Variants in WDR93 observed in about 807,000 individuals in gnomAD.
WDR93 encodes WD repeat-containing protein 93.
In WDR93, 73 loss-of-function variants were observed where a neutral mutation model predicts 82.9. The observed-to-expected ratio is 0.88, with a 90% CI of 0.73 to 1.07. WDR93 has a LOEUF of 1.07. WDR93 is among the 50% of genes least tolerant of loss of function. WDR93 has a pLI of 0.00. For missense variants in WDR93, 738 were observed against 826.0 expected (o/e 0.89, Z 1.31); for synonymous variants, 283 against 300.1 (o/e 0.94, Z 0.59).
In WDR93 at chr15:89,735,422, TAGAAG is replaced by T. The variant is rs1967083871; in HGVS notation, c.1545-65_1545-61del. The T allele has an allele frequency of 4.0e-6, 6 of 1,513,224 alleles. No individual in the cohort carries two copies. In the Admixed American group the frequency reaches 5.0e-5, roughly 13 times the overall value. The allele number at this position is 1,513,224 out of a possible 1,614,324, so 93.7% of individuals were successfully genotyped here. A position where few individuals can be genotyped will look rare whatever the true frequency, so the allele number is the denominator to read the frequency against. The stretch of plus-strand genomic sequence containing the variant: ...TCTGAATTTCTCCAGGATATATGCC[TAGAAG>T]AGGATATCAAAACTTTTAAACTCTT... On this transcript the variant is annotated intron_variant, in intron 13 of 16. Coordinates refer to ENST00000268130, the MANE Select transcript of WDR93 (RefSeq NM_020212.2).
chr15:89,717,740 T>C (rs546814837), intron 7 of WDR93, among the ~76,000 whole-genome samples: 5 of 152,366 alleles, frequency 3.3e-5, no homozygotes, highest in African/African-American at 1.2e-4. Context: ...ACAGTGGCCA[T>C]GGGCATTTTG....
intron 4 of WDR93, among the ~76,000 whole-genome samples, chr15:89,711,199 G>A (rs1965959104): frequency 6.6e-6 from 1 of 152,140 alleles, no homozygotes; most frequent in African/African-American, 2.4e-5. Flanking sequence ...CCTAATCAAA[G>A]CTGTAGATCT....
Position 89,728,103 on chromosome 15 carries a change from TA to T in WDR93, c.1052+781del, listed in dbSNP as rs1966810316. On this transcript the variant is annotated intron_variant, in intron 9 of 16. Transcript: ENST00000268130. ...AAAAAATAATAATTAAAAAAAATAA[TA>T]AAAAACACAGAAGATCCTAAAGACA... Among the ~76,000 whole-genome samples, 5 of 152,150 alleles carry T rather than the reference TA, an allele frequency of 3.3e-5. No homozygotes were observed. In the South Asian group the frequency reaches 1.0e-3, roughly 32 times the overall value.
chr15:89,711,343 C>A (rs1965965330), intron 4 of WDR93, among the ~76,000 whole-genome samples: 1 of 151,942 alleles, frequency 6.6e-6, no homozygotes, highest in South Asian at 2.1e-4. Flanking sequence ...AATGAGGGAG[C>A]TAATATAAAT....
At chr15:89,728,539 T>G (rs896626432) in intron 9 of WDR93, among the ~76,000 whole-genome samples, 1 of 152,046 alleles carries the variant, frequency 6.6e-6, no homozygotes, top group Non-Finnish European at 1.5e-5. Context: ...ATAATTAGGG[T>G]TTTGCAAGCC....
In WDR93 at chr15:89,701,752, A is replaced by T; in HGVS notation, c.6A>T (p.Ser2=). 6.2e-7 allele frequency: 1 copy of T among 1,608,484 alleles called. No homozygotes were observed. The highest frequency in any genetic ancestry group is 8.5e-7 in the Non-Finnish European group (1 of 1,175,488). ...TCCCAGTGCCACCTTCTGTGATGTC[A>T]TTCCCAAGAGGAAGTCAGACCCAGA... The part of the protein sequence containing the change: M[S]FPRGSQTQKI... Residue 2 remains serine, a synonymous_variant, in exon 2 of 17, where the codon TCA becomes TCT. Transcript: ENST00000268130.
chr15:89,713,613 C>T (rs983634271), intron 5 of WDR93, among the ~76,000 whole-genome samples: 2 of 152,000 alleles, frequency 1.3e-5, no homozygotes, highest in Admixed American at 6.6e-5. Flanking sequence ...GCTGGGATTA[C>T]AGGTACCTAC....
chr15:89,701,944 T>TCTGTTTGAC lies in WDR93; in HGVS notation c.200_208dup (p.Leu67_Asp69dup), dbSNP rs1295395189. The TCTGTTTGAC allele has an allele frequency of 6.2e-7, 1 of 1,614,090 alleles. No individual in the cohort carries two copies. The highest frequency in any genetic ancestry group is 8.5e-7 in the Non-Finnish European group (1 of 1,180,026). On this transcript the variant is annotated inframe_insertion, in exon 2 of 17. Transcript: ENST00000268130. ...GAATGATCAACAAGCTGGTGAACCT[T>TCTGTTTGAC]CTGTTTGACCAGTCTTGGGAAATTA...
At chr15:89,702,857 C>A in intron 2 of WDR93, 93 bp from the exon 3 acceptor site, 2 of 1,340,622 alleles carry the variant, frequency 1.5e-6, no homozygotes, top group Non-Finnish European at 2.0e-6. Flanking sequence ...TTATTATTAT[C>A]TAGGAAGGGC....
intron 8 of WDR93, among the ~76,000 whole-genome samples, chr15:89,723,556 C>T (rs2141666974): frequency 6.6e-6 from 1 of 151,988 alleles, no homozygotes; most frequent in East Asian, 1.9e-4. Flanking sequence ...TATAAAGCTG[C>T]AGTTATTAAG....
At chr15:89,739,018 G>A (rs146800267) in intron 16 of WDR93, among the ~76,000 whole-genome samples, 3 of 151,742 alleles carry the variant, frequency 2.0e-5, no homozygotes, top group Non-Finnish European at 4.4e-5. Flanking sequence ...GGAGGCTGAG[G>A]TGGGGGAGAA....
intron 3 of WDR93, chr15:89,704,279 G>A (rs1965624885): frequency 6.6e-6 from 1 of 152,064 alleles, no homozygotes; most frequent in African/African-American, 2.4e-5. Context: ...AGTGAGCTGA[G>A]ATCGCACCAT....
chr15:89,732,615 C>CCA (rs58806438), intron 12 of WDR93, among the ~76,000 whole-genome samples: 19,168 of 148,370 alleles, frequency 0.13, 1,455 homozygotes, highest in African/African-American at 0.22. Flanking sequence ...TGTTGTTTGG[C>CCA]CACACACACA....
At chr15:89,694,248 CTTTT>C (rs907842374) in intron 1 of WDR93, among the ~76,000 whole-genome samples, 17 of 125,166 alleles carry the variant, frequency 1.4e-4, no homozygotes, top group East Asian at 4.5e-4. Context: ...TGGGTTATTT[CTTTT>C]TTTTTTTTTT....
At chr15:89,726,746 G>GTTCA (rs1458762590) in intron 8 of WDR93, among the ~76,000 whole-genome samples, 2 of 152,192 alleles carry the variant, frequency 1.3e-5, no homozygotes, top group African/African-American at 4.8e-5. Context: ...TTATGTGAGT[G>GTTCA]TTCAGCAGTG....
chr15:89,725,861 C>T (rs547721815), intron 8 of WDR93, among the ~76,000 whole-genome samples: 25 of 152,014 alleles, frequency 1.6e-4, no homozygotes, highest in Non-Finnish European at 3.1e-4. Context: ...CGCACCCAGC[C>T]GATGTTCTAT....
At chr15:89,690,383 G>A (rs972695086), upstream of WDR93, among the ~76,000 whole-genome samples, 1 of 152,178 alleles carries the variant, frequency 6.6e-6, no homozygotes, top group Admixed American at 6.5e-5. Context: ...CGGGACGCGG[G>A]TGCGTTGGGC....
intron 2 of WDR93, 125 bp from the exon 3 acceptor site, chr15:89,702,825 C>G: frequency 9.2e-7 from 1 of 1,091,988 alleles, no homozygotes; most frequent in Admixed American, 2.5e-5. Context: ...AGGCGTTAGC[C>G]ACTGCGTCCA....
intron 5 of WDR93, among the ~76,000 whole-genome samples, chr15:89,712,479 CT>C (rs1966036953): frequency 7.0e-6 from 1 of 142,456 alleles, no homozygotes; most frequent in Non-Finnish European, 1.5e-5. Flanking sequence ...CCTTAGTCTC[CT>C]CCTACCTAGG....
Sources: gnomAD v4.1 joint callset for allele counts (sites outside exome capture counted in the v4.1 genomes callset) on GRCh38, gnomAD v4.1.1 for gene constraint, MANE v1.5 for transcripts, NCBI Gene and HGNC (gene_info 2026-07-23, HGNC 2026-07-21) for gene names.